The following MEGF10 variants were observed in gnomAD, a reference collection of about 807,000 sequenced individuals.
MEGF10 encodes the protein multiple EGF like domains 10.
MEGF10 carries 86 observed loss-of-function variants against 147.5 expected under a neutral mutation model. The ratio of observed to expected loss-of-function variants is 0.58; its 90% confidence interval spans 0.49 to 0.70. MEGF10 has a LOEUF of 0.70. Among genes scored for constraint, MEGF10 ranks in the 30% least tolerant of loss-of-function variants. MEGF10 has a pLI of 0.00. For missense variants in MEGF10, 1,329 were observed against 1,487.3 expected, an observed-to-expected ratio of 0.89 and a Z score of 1.75; for synonymous variants, 478 against 525.5, an observed-to-expected ratio of 0.91 and a Z score of 1.24.
intron 7 of MEGF10, among the ~76,000 whole-genome samples, chr5:127,402,262 T>C (rs1764161572): frequency 1.3e-5 from 2 of 152,248 alleles, no homozygotes; most frequent in African/African-American, 4.8e-5. Context: ...GATGTAACTT[T>C]GTTTTAAACT....
At chr5:127,348,263 T>A (rs1761964244) in intron 4 of MEGF10, among the ~76,000 whole-genome samples, 1 of 152,080 alleles carries the variant, frequency 6.6e-6, no homozygotes, top group African/African-American at 2.4e-5. Context: ...TCCTTTCTAG[T>A]CATATAAAAT....
chr5:127,241,059 A>G, the MEGF10 span, among the ~76,000 whole-genome samples: 1 of 152,214 alleles, frequency 6.6e-6, no homozygotes. Flanking sequence ...ATTTAATTAA[A>G]TCACTCATCA....
intron 1 of MEGF10, among the ~76,000 whole-genome samples, chr5:127,297,145 T>G (rs933255848): frequency 1.3e-5 from 2 of 152,156 alleles, no homozygotes; most frequent in African/African-American, 4.8e-5. Context: ...TTTTGTATTT[T>G]TAGTAGAGAC....
intron 1 of MEGF10, among the ~76,000 whole-genome samples, chr5:127,320,570 G>A (rs1760749749): frequency 6.6e-6 from 1 of 152,158 alleles, no homozygotes; most frequent in Admixed American, 6.5e-5. Flanking sequence ...TTGTGGCTTT[G>A]TATATTTGCA....
intron 5 of MEGF10, among the ~76,000 whole-genome samples, chr5:127,372,961 G>A (rs2126868037): frequency 6.6e-6 from 1 of 152,278 alleles, no homozygotes; most frequent in Middle Eastern, 3.4e-3. Context: ...CCATGTCTTT[G>A]AGGAAGGAAT....
rs776043299 is a variant in MEGF10 at position 127,410,572 on chromosome 5, G to T, written c.1101G>T (p.Arg367=). 6.2e-7 allele frequency: 1 copy of T among 1,610,396 alleles called. No homozygotes were observed. Among genetic ancestry groups the T allele is most frequent in the Admixed American group, 1.7e-5 (1 of 59,984 alleles). The change falls in exon 9 of 25, where the codon CGG becomes CGT. Residue 367 remains arginine, a synonymous_variant. Transcript: ENST00000503335. ...EGLYGIKCDK[R]CPCHLENTHS... is the part of the protein sequence containing the mutation. ...TCTACGGCATCAAATGTGACAAACG[G>T]TGTCCCTGCCACCTGGAAAACACTC... is the stretch of plus-strand genomic sequence containing the variant.
At chr5:127,413,745 A>G (rs982104026) in intron 9 of MEGF10, among the ~76,000 whole-genome samples, 14 of 152,200 alleles carry the variant, frequency 9.2e-5, no homozygotes, top group African/African-American at 3.4e-4. Context: ...ATGAGAACCC[A>G]TCAAATGCCT....
chr5:127,250,147 G>C, the MEGF10 span, among the ~76,000 whole-genome samples: 2 of 151,980 alleles, frequency 1.3e-5, no homozygotes, highest in Non-Finnish European at 2.9e-5. Flanking sequence ...TAAAACTTAT[G>C]TGGCTATGTT....
chr5:127,398,899 C>T (rs1363742392), intron 7 of MEGF10, 103 bp downstream of exon 7: 1 of 1,500,750 alleles, frequency 6.7e-7, no homozygotes, highest in African/African-American at 1.4e-5. Context: ...GGAAAGTTAC[C>T]ATGATGGTTG....
intron 22 of MEGF10, among the ~76,000 whole-genome samples, chr5:127,454,227 A>C (rs1038461353): frequency 1.3e-5 from 2 of 152,260 alleles, no homozygotes; most frequent in African/African-American, 2.4e-5. Flanking sequence ...AGCTGCACGT[A>C]GGTATGAAAT....
chr5:127,443,257 C>T (rs994950768), intron 19 of MEGF10, 131 bp downstream of exon 19: 7 of 988,644 alleles, frequency 7.1e-6, no homozygotes, highest in African/African-American at 3.4e-5. Flanking sequence ...TAATTGGTTA[C>T]TTATTTAATT....
chr5:127,347,741 A>T (rs752228862), intron 4 of MEGF10, among the ~76,000 whole-genome samples: 1 of 152,078 alleles, frequency 6.6e-6, no homozygotes, highest in Non-Finnish European at 1.5e-5. Flanking sequence ...CAATAAAAAA[A>T]AGTTCAGTTC....
intron 7 of MEGF10, among the ~76,000 whole-genome samples, chr5:127,401,236 C>A (rs764640255): frequency 6.6e-6 from 1 of 152,082 alleles, no homozygotes; most frequent in Non-Finnish European, 1.5e-5. Context: ...GAGACTAGAG[C>A]GATTTTTACA....
chr5:127,265,270 T>C, the MEGF10 span, among the ~76,000 whole-genome samples: 80 of 152,332 alleles, frequency 5.3e-4, 1 homozygote, highest in African/African-American at 1.9e-3. Context: ...TCTGGCTGCA[T>C]AGTATTCCAT....
At chr5:127,300,934 G>A (rs1430592933) in intron 1 of MEGF10, among the ~76,000 whole-genome samples, 3 of 152,296 alleles carry the variant, frequency 2.0e-5, no homozygotes, top group Non-Finnish European at 2.9e-5. Flanking sequence ...AGTTGGCCAA[G>A]CAGCAAATCT....
chr5:127,428,141 ATTTTTTTTTT>A lies in MEGF10; in HGVS notation c.1694-5208_1694-5199del, dbSNP rs66935934. 3.4e-3 allele frequency among the ~76,000 whole-genome samples: 349 copies of A among 103,580 alleles called. 3 individuals are homozygous for A. In the East Asian group the frequency reaches 0.067, roughly 20 times the overall value. 68.0% of individuals were successfully genotyped at this position (103,580 alleles called of 152,430 possible). On this transcript the variant is annotated intron_variant, in intron 13 of 24. Coordinates refer to ENST00000503335, the MANE Select transcript of MEGF10 (RefSeq NM_001256545.2). Reference sequence around the variant, plus strand: ...ACTGAGGCAGGCCATGGTGTCTGGTATTTTTTTTTTTTTTTTTTTTTTTGTCTTGCAAGTG... The same window carrying A: ...ACTGAGGCAGGCCATGGTGTCTGGTATTTTTTTTTTTTTGTCTTGCAAGTG...
intron 4 of MEGF10, 91 bp from the exon 5 acceptor site, chr5:127,369,819 G>A: frequency 1.0e-6 from 1 of 957,542 alleles, no homozygotes; most frequent in Non-Finnish European, 1.6e-6. Flanking sequence ...GTTTTTAAGT[G>A]ATACTTGAGA....
At chr5:127,251,032 T>G in the MEGF10 span, among the ~76,000 whole-genome samples, 2 of 152,028 alleles carry the variant, frequency 1.3e-5, no homozygotes, top group Non-Finnish European at 2.9e-5. Context: ...TGTTGAGATA[T>G]CAGTCCTCCT....
In MEGF10 at chr5:127,420,052, G is replaced by A. The variant is rs372163689; in HGVS notation, c.1435G>A (p.Gly479Arg). The A allele has an allele frequency of 9.3e-5, 150 of 1,613,962 alleles. No individual in the cohort carries two copies. Among genetic ancestry groups the A allele is most frequent in the Non-Finnish European group, 1.2e-4 (140 of 1,180,014 alleles). Reference sequence around the variant, plus strand: ...GCGTTCTTGTCGCACAGGCTGGCACGGGGTGGACTGCTCCATCAGATGTCC... The same window carrying A: ...GCGTTCTTGTCGCACAGGCTGGCACAGGGTGGACTGCTCCATCAGATGTCC... ...GSCTCKAGWH[G>R]VDCSIRCPSG... Residue 479 changes from glycine (G) to arginine (R), a missense_variant, in exon 12 of 25, where the codon GGG (glycine) becomes AGG (arginine). Gly to Arg is a moderately radical substitution (Grantham distance 125). Transcript: ENST00000503335.
Sources: allele counts gnomAD v4.1 joint callset (sites outside exome capture counted in the v4.1 genomes callset), GRCh38; gene constraint gnomAD v4.1.1; transcripts MANE v1.5; gene names NCBI Gene and HGNC (gene_info 2026-07-23, HGNC 2026-07-21).